PPP2R2B: variants seen among roughly 807,000 people sequenced by gnomAD.
PPP2R2B encodes the protein protein phosphatase 2 regulatory subunit Bbeta.
PPP2R2B carries 5 observed loss-of-function variants against 46.0 expected under a neutral mutation model. That is an observed-to-expected ratio of 0.11 (90% CI 0.06 to 0.23). The LOEUF is 0.23. Among genes scored for constraint, PPP2R2B ranks in the 10% least tolerant of loss-of-function variants. PPP2R2B has a pLI of 1.00. For missense variants in PPP2R2B, 367 were observed against 575.0 expected, an observed-to-expected ratio of 0.64 and a Z score of 3.70; for synonymous variants, 215 against 206.7, an observed-to-expected ratio of 1.04 and a Z score of -0.34.
At chr5:146,657,611 GAT>G (rs1776419080) in intron 5 of PPP2R2B, among the ~76,000 whole-genome samples, 1 of 152,142 alleles carries the variant, frequency 6.6e-6, no homozygotes, top group South Asian at 2.1e-4. Flanking sequence ...GCAAAAGAAA[GAT>G]ATAGAAAATG....
intron 1 of PPP2R2B, among the ~76,000 whole-genome samples, chr5:147,007,226 G>T (rs1454050609): frequency 1.3e-5 from 2 of 152,188 alleles, no homozygotes; most frequent in African/African-American, 4.8e-5. Context: ...TCAGCAGGAA[G>T]TAGCTAGAGC....
At chr5:146,910,705 T>A (rs976292764) in intron 1 of PPP2R2B, among the ~76,000 whole-genome samples, 11 of 152,232 alleles carry the variant, frequency 7.2e-5, no homozygotes, top group African/African-American at 2.7e-4. Context: ...TACATTACAT[T>A]GTATTGTACA....
intron 1 of PPP2R2B, among the ~76,000 whole-genome samples, chr5:146,977,481 C>T (rs1317554801): frequency 6.6e-6 from 1 of 151,986 alleles, no homozygotes; most frequent in East Asian, 1.9e-4. Flanking sequence ...ACCCATCAAC[C>T]CATCATCTAC....
At chr5:146,996,709 G>A (rs1347930895) in intron 1 of PPP2R2B, among the ~76,000 whole-genome samples, 1 of 152,242 alleles carries the variant, frequency 6.6e-6, no homozygotes, top group Non-Finnish European at 1.5e-5. Context: ...AGTCACTATG[G>A]TACCTGGGTG....
In PPP2R2B at chr5:146,863,371, T is replaced by C. The variant is rs542819834; in HGVS notation, c.70+14631A>G. 3.6e-3 allele frequency among the ~76,000 whole-genome samples: 550 copies of C among 152,306 alleles called. 7 individuals are homozygous for C. The highest frequency in any genetic ancestry group is 0.013 in the African/African-American group (528 of 41,572). The stretch of plus-strand genomic sequence containing the variant: ...TAGGGAAGCTCTTCTCTGCCTGTCA[T>C]ATCTTCTCCTTTTAAACTGGCACCA... On this transcript the variant is annotated intron_variant, in intron 2 of 9. Transcript: ENST00000394411.
intron 1 of PPP2R2B, among the ~76,000 whole-genome samples, chr5:147,014,592 T>C (rs1000561668): frequency 1.3e-5 from 2 of 152,064 alleles, no homozygotes; most frequent in African/African-American, 2.4e-5. Context: ...TGCAGGGACA[T>C]GGATGAAATT....
intron 1 of PPP2R2B, among the ~76,000 whole-genome samples, chr5:147,019,987 C>T (rs567925881): frequency 1.3e-5 from 2 of 152,240 alleles, no homozygotes; most frequent in East Asian, 3.9e-4. Context: ...CTCTAGAAGG[C>T]AGTCTTTGCT....
At chr5:146,994,351 G>T (rs1044924724) in intron 1 of PPP2R2B, among the ~76,000 whole-genome samples, 1 of 152,134 alleles carries the variant, frequency 6.6e-6, no homozygotes, top group Non-Finnish European at 1.5e-5. Context: ...TATTTCGTGA[G>T]TAACAGTTCA....
At chr5:146,943,549 T>C (rs901412495) in intron 1 of PPP2R2B, among the ~76,000 whole-genome samples, 29 of 152,338 alleles carry the variant, frequency 1.9e-4, no homozygotes, top group African/African-American at 6.7e-4. Context: ...TAATGTGTTT[T>C]CTTTAAATTG....
At chr5:146,699,920 C>T (rs913133037) in intron 3 of PPP2R2B, among the ~76,000 whole-genome samples, 1 of 152,066 alleles carries the variant, frequency 6.6e-6, no homozygotes, top group African/African-American at 2.4e-5. Context: ...TCATGAAGAG[C>T]TATTAGTTTC....
chr5:146,727,376 G>A (rs576868780), intron 2 of PPP2R2B, among the ~76,000 whole-genome samples: 2 of 151,894 alleles, frequency 1.3e-5, no homozygotes, highest in South Asian at 4.2e-4. Context: ...GGTACAATGT[G>A]ATATTTCAAT....
chr5:146,973,491 C>T (rs1359964554), intron 1 of PPP2R2B, among the ~76,000 whole-genome samples: 1 of 152,186 alleles, frequency 6.6e-6, no homozygotes, highest in Non-Finnish European at 1.5e-5. Flanking sequence ...CAGGTCATAG[C>T]TAAGTGGCAG....
intron 1 of PPP2R2B, among the ~76,000 whole-genome samples, chr5:146,944,490 C>T (rs1423787812): frequency 6.6e-6 from 1 of 152,060 alleles, no homozygotes; most frequent in Non-Finnish European, 1.5e-5. Flanking sequence ...TTAGCCTTTC[C>T]ACATTATTAC....
At position 146,878,412 on chromosome 5, in the gene PPP2R2B, C is replaced by T. The variant is rs1218278765; in HGVS notation, c.-125+179G>A. 8 of 1,420,864 alleles carry T rather than the reference C, an allele frequency of 5.6e-6. No homozygotes were observed. Among genetic ancestry groups the T allele is most frequent in the Non-Finnish European group, 7.3e-6 (8 of 1,091,676 alleles). 88.0% of individuals were successfully genotyped at this position (1,420,864 alleles called of 1,614,324 possible). A position where few individuals can be genotyped will look rare whatever the true frequency, so the allele number is the denominator to read the frequency against. On this transcript the variant is annotated intron_variant, in intron 1 of 9. Coordinates refer to ENST00000394411, the MANE Select transcript of PPP2R2B (RefSeq NM_181675.4). The surrounding 1 kb of genome is among the most constrained non-coding windows in gnomAD (Gnocchi z 4.5). ...AGGGGTCTGGTCCCGCCCGCCCGCC[C>T]CGGAGGCGCTCACAAGCGGGTCTGG...
intron 2 of PPP2R2B, among the ~76,000 whole-genome samples, chr5:146,830,563 C>T (rs1169742967): frequency 9.4e-5 from 14 of 149,440 alleles, no homozygotes; most frequent in Non-Finnish European, 1.9e-4. Context: ...CTCACTCTGT[C>T]GCCCAGGCTG....
chr5:146,649,079 T>C (rs1444206148), intron 6 of PPP2R2B, among the ~76,000 whole-genome samples: 3 of 152,240 alleles, frequency 2.0e-5, no homozygotes. Context: ...GATGAGATTA[T>C]TGCAGTCACA....
chr5:146,705,454 G>A (rs956657568), intron 2 of PPP2R2B, among the ~76,000 whole-genome samples: 19 of 152,156 alleles, frequency 1.2e-4, no homozygotes, highest in African/African-American at 4.6e-4. Flanking sequence ...TGGGTGGGTG[G>A]TGGGGGAGGT....
chr5:147,021,195 C>T (rs1430627332), intron 1 of PPP2R2B, among the ~76,000 whole-genome samples: 1 of 152,150 alleles, frequency 6.6e-6, no homozygotes, highest in Non-Finnish European at 1.5e-5. Flanking sequence ...AGAACTGTAA[C>T]CACCTAGAAA....
At chr5:146,903,599 T>C (rs538971306) in intron 1 of PPP2R2B, among the ~76,000 whole-genome samples, 15 of 152,202 alleles carry the variant, frequency 9.9e-5, no homozygotes, top group Admixed American at 7.9e-4. Flanking sequence ...GGTTTCGCCA[T>C]GTTGCCTGGA....
Sources: gnomAD v4.1 joint callset for allele counts (sites outside exome capture counted in the v4.1 genomes callset) on GRCh38, gnomAD v4.1.1 for gene constraint, Gnocchi (gnomAD v3.1) non-coding constraint, MANE v1.5 for transcripts, NCBI Gene and HGNC (gene_info 2026-07-23, HGNC 2026-07-21) for gene names.